Variants in PTBP3 observed in about 807,000 individuals in gnomAD.
PTBP3 encodes polypyrimidine tract-binding protein 3.
In PTBP3, 20 loss-of-function variants were observed where a neutral mutation model predicts 58.7. The ratio of observed to expected loss-of-function variants is 0.34; its 90% CI spans 0.24 to 0.50. The LOEUF (loss-of-function observed/expected upper bound fraction) is 0.50. Among genes scored for constraint, PTBP3 ranks in the 20% least tolerant of loss-of-function variants. The pLI is 0.98. For missense variants in PTBP3, 509 were observed against 637.2 expected (o/e 0.80, Z 2.17); for synonymous variants, 185 against 219.8 (o/e 0.84, Z 1.40).
At chr9:112,344,453 C>T in the PTBP3 span, among the ~76,000 whole-genome samples, 25 of 152,134 alleles carry the variant, frequency 1.6e-4, no homozygotes, top group Non-Finnish European at 3.7e-4. Flanking sequence ...CCTCTCTTGC[C>T]ACATAATTCC....
At chr9:112,314,884 T>G (rs1388591014) in intron 1 of PTBP3, among the ~76,000 whole-genome samples, 1 of 149,874 alleles carries the variant, frequency 6.7e-6, no homozygotes, top group East Asian at 2.0e-4. Flanking sequence ...CAGGCTGGAG[T>G]GCAGTGGCGC....
chr9:112,279,769 A>G (rs1005293868), intron 2 of PTBP3, among the ~76,000 whole-genome samples: 7 of 152,154 alleles, frequency 4.6e-5, no homozygotes, highest in Non-Finnish European at 1.0e-4. Context: ...CATCTAAACC[A>G]TAAACATCAT....
chr9:112,297,577 T>C (rs1328401926), intron 2 of PTBP3, among the ~76,000 whole-genome samples: 1 of 152,190 alleles, frequency 6.6e-6, no homozygotes, highest in Non-Finnish European at 1.5e-5. Context: ...AGTATTTTTA[T>C]CAAAATTATG....
In PTBP3 at chr9:112,218,929, G is replaced by C. The variant is rs1834712594; in HGVS notation, c.*4922C>G. ...GATGAACAGACCACGTAAAACACCA[G>C]ACAATGTCAGAGGCTCCTAGCTGTG... On this transcript the variant is annotated 3_prime_UTR_variant, in exon 14 of 14. Coordinates refer to ENST00000374257, the MANE Select transcript of PTBP3 (RefSeq NM_001163788.4). 1 of 152,210 alleles carries C rather than the reference G, an allele frequency of 6.6e-6. No homozygotes were observed. The highest frequency in any genetic ancestry group is 1.5e-5 in the Non-Finnish European group (1 of 68,004). 9.4% of individuals were successfully genotyped at this position (152,210 alleles called of 1,614,324 possible).
the PTBP3 span, among the ~76,000 whole-genome samples, chr9:112,368,638 A>G: frequency 2.6e-5 from 4 of 152,142 alleles, no homozygotes; most frequent in South Asian, 8.3e-4. Flanking sequence ...TTCCCATTAT[A>G]ATTTCATAAG....
chr9:112,357,081 C>T, the PTBP3 span, among the ~76,000 whole-genome samples: 1 of 151,794 alleles, frequency 6.6e-6, no homozygotes, highest in Non-Finnish European at 1.5e-5. Context: ...GGGGTTTCAC[C>T]ATGTTGGTCA....
At chr9:112,326,358 A>G (rs1830156735) in intron 1 of PTBP3, among the ~76,000 whole-genome samples, 1 of 152,224 alleles carries the variant, frequency 6.6e-6, no homozygotes, top group African/African-American at 2.4e-5. Flanking sequence ...CTCCACTACA[A>G]CTACGACTGC....
intron 7 of PTBP3, chr9:112,242,917 C>A (rs560960050): frequency 5.9e-5 from 9 of 152,266 alleles, no homozygotes; most frequent in Admixed American, 3.9e-4. Flanking sequence ...TACTTTTTAT[C>A]CCCAATACCA....
the PTBP3 span, among the ~76,000 whole-genome samples, chr9:112,377,633 A>G: frequency 6.6e-6 from 1 of 152,208 alleles, no homozygotes; most frequent in Non-Finnish European, 1.5e-5. Context: ...AACTTAAGGG[A>G]TATAAATTGG....
chr9:112,224,099 A>T lies in PTBP3; in HGVS notation c.1442+34T>A, dbSNP rs550442325. On this transcript the variant is annotated intron_variant, in intron 13 of 13. Coordinates refer to ENST00000374257, the MANE Select transcript of PTBP3 (RefSeq NM_001163788.4). The stretch of plus-strand genomic sequence containing the variant: ...TTAAAATTTGCATACCATATTAAAT[A>T]ATTTTAATGTATTTCTTGAAAGCAA... 3.9e-6 allele frequency: 6 copies of T among 1,552,538 alleles called. No individual in the cohort carries two copies. In the South Asian group the frequency reaches 5.8e-5, roughly 15 times the overall value.
chr9:112,280,056 CATTT>C lies in PTBP3; in HGVS notation c.35-4047_35-4044del, dbSNP rs772381346. Among the ~76,000 whole-genome samples, 318 of 151,786 alleles carry C rather than the reference CATTT, an allele frequency of 2.1e-3. 5 individuals carry two copies. Among genetic ancestry groups the C allele is most frequent in the Non-Finnish European group, 7.5e-4 (51 of 67,890 alleles). Reference sequence around the variant, plus strand: ...TTTTCTTACTCTCAAATTTATATGCCATTTATTTATTTATTTATTTATAGATGGA... The same window carrying C: ...TTTTCTTACTCTCAAATTTATATGCCATTTATTTATTTATTTATAGATGGA... On this transcript the variant is annotated intron_variant, in intron 2 of 13. Transcript: ENST00000374257.
the PTBP3 span, among the ~76,000 whole-genome samples, chr9:112,341,701 C>T: frequency 1.3e-5 from 2 of 152,080 alleles, no homozygotes; most frequent in Admixed American, 6.6e-5. Flanking sequence ...TTTCATCTTT[C>T]AATTACTTGG....
At chr9:112,323,372 GT>G (rs1185701555) in intron 1 of PTBP3, among the ~76,000 whole-genome samples, 1 of 152,138 alleles carries the variant, frequency 6.6e-6, no homozygotes, top group Non-Finnish European at 1.5e-5. Flanking sequence ...GAGGAGACAG[GT>G]TTAAGCATTT....
intron 5 of PTBP3, among the ~76,000 whole-genome samples, chr9:112,257,893 T>C (rs1589832025): frequency 6.7e-6 from 1 of 150,256 alleles, no homozygotes; most frequent in South Asian, 2.1e-4. Flanking sequence ...TGAGCCATGA[T>C]TGCACCACCA....
intron 7 of PTBP3, among the ~76,000 whole-genome samples, chr9:112,245,728 G>C (rs1458632317): frequency 3.3e-5 from 5 of 152,190 alleles, no homozygotes; most frequent in Admixed American, 2.0e-4. Flanking sequence ...GTGCTAGAAA[G>C]AAAGGGAGTG....
chr9:112,306,606 T>TATA, intron 1 of PTBP3, among the ~76,000 whole-genome samples: 1 of 144,602 alleles, frequency 6.9e-6, no homozygotes, highest in Non-Finnish European at 1.5e-5. Context: ...ATATATATAT[T>TATA]TTTGTTTGTT....
intron 2 of PTBP3, among the ~76,000 whole-genome samples, chr9:112,280,126 C>T (rs1332730352): frequency 6.6e-6 from 1 of 152,082 alleles, no homozygotes; most frequent in East Asian, 1.9e-4. Context: ...GTGATGCAAT[C>T]GGCTCACTGC....
chr9:112,335,442 C>T (rs1009080216), upstream of PTBP3, among the ~76,000 whole-genome samples: 3 of 151,556 alleles, frequency 2.0e-5, no homozygotes, highest in Non-Finnish European at 4.4e-5. Context: ...CCCGCCACCA[C>T]GCCTGGCTAG....
At chr9:112,312,758 A>G (rs941647372) in intron 1 of PTBP3, among the ~76,000 whole-genome samples, 17 of 152,244 alleles carry the variant, frequency 1.1e-4, no homozygotes, top group Middle Eastern at 3.4e-3. Context: ...ACTGTTAAAA[A>G]GCAGGCCGGG....
Sources: gnomAD v4.1 joint callset for allele counts (sites outside exome capture counted in the v4.1 genomes callset) on GRCh38, gnomAD v4.1.1 for gene constraint, MANE v1.5 for transcripts, NCBI Gene and HGNC (gene_info 2026-07-23, HGNC 2026-07-21) for gene names.